The following TP73 variants were observed in gnomAD, a reference collection of about 807,000 sequenced individuals.
TP73 encodes tumor protein p73.
A neutral mutation model predicts 62.5 loss-of-function variants in TP73; 25 were observed. The ratio of observed to expected loss-of-function variants is 0.40; its 90% CI spans 0.29 to 0.56. The LOEUF (loss-of-function observed/expected upper bound fraction) is 0.56, where lower values mean the gene tolerates loss of function less well. Ranked by LOEUF, TP73 falls within the 20% of genes least tolerant of loss-of-function variation. TP73 has a pLI of 0.46. For missense variants in TP73, 754 were observed against 913.3 expected, an observed-to-expected ratio of 0.83 and a Z score of 2.25; for synonymous variants, 423 against 377.5, an observed-to-expected ratio of 1.12 and a Z score of -1.40.
chr1:3,684,751 C>T (rs1241664862), intron 3 of TP73, among the ~76,000 whole-genome samples: 3 of 152,126 alleles, frequency 2.0e-5, no homozygotes, highest in Non-Finnish European at 4.4e-5. Context: ...ACCGCCTGCC[C>T]CTGCCCTCCC....
rs1367570895 is a variant in TP73 at position 3,733,236 on chromosome 1, C to T, written c.*157C>T. 45 of 907,062 alleles carry T rather than the reference C, an allele frequency of 5.0e-5. No individual in the cohort carries two copies. The highest frequency in any genetic ancestry group is 6.6e-5 in the Non-Finnish European group (41 of 617,840). The allele number at this position is 907,062 out of a possible 1,614,324, so 56.2% of individuals were successfully genotyped here. A position where few individuals can be genotyped will look rare whatever the true frequency, so the allele number is the denominator to read the frequency against. ...CCATCCCCAGGCACCTCACAGGCCCCAGGAAAGGCCCAGCCACCGAAGCCG... is the reference window on the plus strand; with the variant it reads ...CCATCCCCAGGCACCTCACAGGCCCTAGGAAAGGCCCAGCCACCGAAGCCG... On this transcript the variant is annotated 3_prime_UTR_variant, in exon 14 of 14. Coordinates refer to ENST00000378295, the MANE Select transcript of TP73 (RefSeq NM_005427.4).
chr1:3,688,401 G>A (rs371623568), intron 3 of TP73, among the ~76,000 whole-genome samples: 4 of 152,192 alleles, frequency 2.6e-5, no homozygotes, highest in East Asian at 3.8e-4. Context: ...ACCAGGAAAC[G>A]AAGTCCCCCT....
At chr1:3,716,937 G>A (rs1401302311) in intron 4 of TP73, among the ~76,000 whole-genome samples, 1 of 152,138 alleles carries the variant, frequency 6.6e-6, no homozygotes, top group Admixed American at 6.5e-5. Context: ...GGAGAGAGAT[G>A]CACCCCTAAA....
Position 3,699,774 on chromosome 1 carries a change from G to A in TP73, c.187-7775G>A, listed in dbSNP as rs1638998294. ...AGCTGGAGAGGTGACAGGAGCGAGG[G>A]AGGCGGAGGTGGAGCTGGGGAGGGG... On this transcript the variant is annotated intron_variant, in intron 3 of 13. Transcript: ENST00000378295. The surrounding 1 kb of genome is among the most constrained non-coding windows in gnomAD (Gnocchi z 4.1). Among the ~76,000 whole-genome samples, 2 of 152,202 alleles carry A rather than the reference G, an allele frequency of 1.3e-5. No homozygotes were observed. Among genetic ancestry groups the A allele is most frequent in the South Asian group, 4.1e-4 (2 of 4,832 alleles).
chr1:3,682,354 G>C lies in TP73; in HGVS notation c.-12G>C, dbSNP rs1425357405. ...GCAGAGCGAGCTGCCCTCGGAGGCC[G>C]GCGTGGGGAAGATGGCCCAGTCCAC... On this transcript the variant is annotated 5_prime_UTR_variant, in exon 2 of 14. Coordinates refer to ENST00000378295, the MANE Select transcript of TP73 (RefSeq NM_005427.4). The C allele has an allele frequency of 3.3e-6, 5 of 1,528,396 alleles. No homozygotes were observed. The highest frequency in any genetic ancestry group is 4.4e-6 in the Non-Finnish European group (5 of 1,130,606). The allele number at this position is 1,528,396 out of a possible 1,614,324, so 94.7% of individuals were successfully genotyped here.
intron 4 of TP73, 53 bp downstream of exon 4, chr1:3,707,844 G>A (rs1639803064): frequency 6.3e-7 from 1 of 1,575,182 alleles, no homozygotes; most frequent in Non-Finnish European, 8.6e-7. Flanking sequence ...GGGCTGGAGA[G>A]GAGGTGGCTG....
chr1:3,678,480 C>G (rs1257195087), intron 1 of TP73, among the ~76,000 whole-genome samples: 1 of 152,256 alleles, frequency 6.6e-6, no homozygotes, highest in South Asian at 2.1e-4. Context: ...GCGCCTGTGC[C>G]TGTGAGCAGT....
At position 3,732,865 on chromosome 1, in the gene TP73, C is replaced by T. The variant is rs369485809; in HGVS notation, c.1697C>T (p.Ala566Val). 1.3e-4 allele frequency: 206 copies of T among 1,611,964 alleles called. No homozygotes were observed. Among genetic ancestry groups the T allele is most frequent in the Non-Finnish European group, 1.6e-4 (189 of 1,179,750 alleles). The change falls in exon 14 of 14, where the codon GCG (alanine) becomes GTG (valine). Residue 566 changes from alanine to valine, a missense_variant. Ala to Val is a moderately conservative substitution (Grantham distance 64, BLOSUM62 0). Around this residue, in one of 3 missense-constraint regions of TP73, gnomAD observed 458 missense variants for 528.7 expected, o/e 0.87. Transcript: ENST00000378295. ...TAQQLLRSSN[A>V]ATISIGGSGE... ...CAGCAGCTGCTCCGCTCTAGCAACG[C>T]GGCCACCATCTCCATCGGCGGCTCA...
In TP73 at chr1:3,663,266, T is replaced by C. The variant is rs556237851; in HGVS notation, c.-34+10625T>C. 5.9e-5 allele frequency among the ~76,000 whole-genome samples: 9 copies of C among 152,286 alleles called. No homozygotes were observed. The highest frequency in any genetic ancestry group is 1.9e-4 in the African/African-American group (8 of 41,558). ...ACGAGCCTGGTGGCTGCCGTACCAG[T>C]AATGAAAGACAAGTTAACAAGAGGG... On this transcript the variant is annotated intron_variant, in intron 1 of 13. Transcript: ENST00000378295. This position sits in a 1 kb window ranked among gnomAD's most constrained non-coding sequence, Gnocchi z 4.7.
intron 4 of TP73, among the ~76,000 whole-genome samples, chr1:3,709,639 C>T (rs991442998): frequency 6.6e-6 from 1 of 152,244 alleles, no homozygotes; most frequent in African/African-American, 2.4e-5. Flanking sequence ...AAGGCATCCT[C>T]ACCTGCACAC....
chr1:3,704,435 C>A (rs1639461969), intron 3 of TP73, among the ~76,000 whole-genome samples: 1 of 152,162 alleles, frequency 6.6e-6, no homozygotes, highest in African/African-American at 2.4e-5. Context: ...ATCCAGGGTC[C>A]TCGTGGGTTC....
At chr1:3,690,199 G>A (rs980416338) in intron 3 of TP73, among the ~76,000 whole-genome samples, 5 of 152,196 alleles carry the variant, frequency 3.3e-5, no homozygotes, top group African/African-American at 7.2e-5. Flanking sequence ...GGCCCCACAA[G>A]AGCTGCTCAC....
At chr1:3,679,656 CTT>C (rs1463088422) in intron 1 of TP73, among the ~76,000 whole-genome samples, 2 of 151,262 alleles carry the variant, frequency 1.3e-5, no homozygotes, top group African/African-American at 4.9e-5. Context: ...CTCTCTCTCT[CTT>C]TGTCCTTGTA....
At chr1:3,719,790 G>T (rs1570593762) in intron 4 of TP73, among the ~76,000 whole-genome samples, 1 of 152,326 alleles carries the variant, frequency 6.6e-6, no homozygotes, top group East Asian at 1.9e-4. Flanking sequence ...TGTACTTCCC[G>T]CTGTGCCCAA....
chr1:3,700,954 C>T (rs1271745934), intron 3 of TP73, among the ~76,000 whole-genome samples: 1 of 152,196 alleles, frequency 6.6e-6, no homozygotes, highest in Non-Finnish European at 1.5e-5. Flanking sequence ...CCGGTGAGGA[C>T]AAAGAGTCTT....
At chr1:3,709,455 G>A (rs769895088) in intron 4 of TP73, among the ~76,000 whole-genome samples, 18 of 152,238 alleles carry the variant, frequency 1.2e-4, no homozygotes, top group Admixed American at 2.6e-4. Flanking sequence ...TGGCCAGCAC[G>A]GTGCTTAGCT....
At chr1:3,725,817 GT>G (rs2124502105) in intron 6 of TP73, among the ~76,000 whole-genome samples, 8 of 69,694 alleles carry the variant, frequency 1.1e-4, no homozygotes, top group Non-Finnish European at 2.4e-4. Flanking sequence ...GATGGGGTGG[GT>G]GTGGGGGGTG....
chr1:3,719,668 T>A (rs992739379), intron 4 of TP73, among the ~76,000 whole-genome samples: 1 of 152,178 alleles, frequency 6.6e-6, no homozygotes, highest in South Asian at 2.1e-4. Flanking sequence ...TACCTGCTTA[T>A]CCTTCCAAGT....
chr1:3,716,799 G>T (rs777115671), intron 4 of TP73, among the ~76,000 whole-genome samples: 41 of 152,264 alleles, frequency 2.7e-4, no homozygotes, highest in Non-Finnish European at 4.9e-4. Context: ...GTTTTAGGGG[G>T]TCCATCTGTG....
Sources: gnomAD v4.1 joint callset for allele counts (sites outside exome capture counted in the v4.1 genomes callset) on GRCh38, gnomAD v4.1.1 for gene constraint, gnomAD v4.1.1 regional missense constraint, Gnocchi (gnomAD v3.1) non-coding constraint, MANE v1.5 for transcripts, NCBI Gene and HGNC (gene_info 2026-07-23, HGNC 2026-07-21) for gene names.